Variants in RIT2 observed in about 807,000 individuals in gnomAD.
RIT2 encodes the protein GTP-binding protein Rit2.
A neutral mutation model predicts 23.7 loss-of-function variants in RIT2; 24 were observed. That is an observed-to-expected ratio of 1.01 (90% CI 0.73 to 1.43). The LOEUF is 1.43. RIT2 is among the 40% of genes most tolerant of loss of function. RIT2 has a pLI of 0.00. For missense variants in RIT2, 236 were observed against 266.9 expected, an observed-to-expected ratio of 0.88 and a Z score of 0.81; for synonymous variants, 107 against 91.1, an observed-to-expected ratio of 1.17 and a Z score of -0.99.
At chr18:43,094,486 A>AT (rs1025488474) in intron 1 of RIT2, among the ~76,000 whole-genome samples, 62 of 152,124 alleles carry the variant, frequency 4.1e-4, no homozygotes, top group African/African-American at 1.4e-3. Context: ...GGGTTAAAAA[A>AT]GACTTTCAAG....
chr18:42,919,041 A>G (rs1908986642), intron 4 of RIT2, among the ~76,000 whole-genome samples: 2 of 152,122 alleles, frequency 1.3e-5, no homozygotes, highest in South Asian at 4.1e-4. Flanking sequence ...TCCCTACATC[A>G]TATGCACAGA....
At chr18:42,933,608 C>T (rs972694257) in intron 3 of RIT2, among the ~76,000 whole-genome samples, 1 of 152,120 alleles carries the variant, frequency 6.6e-6, no homozygotes, top group Non-Finnish European at 1.5e-5. Flanking sequence ...GGCTTTTGCC[C>T]TTTTTGCTCA....
chr18:42,799,580 A>C (rs1166833506), intron 4 of RIT2, among the ~76,000 whole-genome samples: 1 of 152,148 alleles, frequency 6.6e-6, no homozygotes, highest in East Asian at 1.9e-4. Flanking sequence ...AATCTCCTTA[A>C]AGAAACAAAC....
intron 4 of RIT2, among the ~76,000 whole-genome samples, chr18:42,923,170 C>T (rs1208274493): frequency 1.3e-5 from 2 of 151,860 alleles, no homozygotes; most frequent in Non-Finnish European, 2.9e-5. Context: ...CAGCTGTGAG[C>T]CTGAATCTCA....
intron 4 of RIT2, among the ~76,000 whole-genome samples, chr18:42,777,328 T>A (rs1913697199): frequency 6.7e-6 from 1 of 148,898 alleles, no homozygotes; most frequent in African/African-American, 2.5e-5. Flanking sequence ...ACTGGAGACA[T>A]AAATTTGGGA....
At chr18:43,059,863 C>A (rs908999645) in intron 1 of RIT2, among the ~76,000 whole-genome samples, 2 of 151,984 alleles carry the variant, frequency 1.3e-5, no homozygotes, top group African/African-American at 4.8e-5. Flanking sequence ...AATTAACTAG[C>A]AGGTTCTGGA....
At chr18:43,013,316 G>A (rs964472107) in intron 2 of RIT2, among the ~76,000 whole-genome samples, 4 of 151,746 alleles carry the variant, frequency 2.6e-5, no homozygotes, top group Non-Finnish European at 4.4e-5. Context: ...TAGCTTGATA[G>A]CTAATAGTTT....
intron 3 of RIT2, among the ~76,000 whole-genome samples, chr18:42,939,105 A>G (rs1909531911): frequency 1.3e-5 from 2 of 152,124 alleles, no homozygotes; most frequent in Admixed American, 1.3e-4. Flanking sequence ...ACTTAATAGA[A>G]TTTTTCAAAT....
intron 1 of RIT2, among the ~76,000 whole-genome samples, chr18:43,042,192 A>G (rs1041041004): frequency 2.2e-4 from 34 of 152,162 alleles, no homozygotes; most frequent in African/African-American, 6.5e-4. Flanking sequence ...TTTTGGGACC[A>G]TGAAAAAATT....
intron 4 of RIT2, among the ~76,000 whole-genome samples, chr18:42,794,441 G>A (rs1272711540): frequency 6.6e-6 from 1 of 152,180 alleles, no homozygotes; most frequent in African/African-American, 2.4e-5. Flanking sequence ...ATCTAGGTTT[G>A]ACTAATTAGT....
chr18:42,875,386 G>A (rs1054226481), intron 4 of RIT2, among the ~76,000 whole-genome samples: 5 of 150,108 alleles, frequency 3.3e-5, no homozygotes, highest in African/African-American at 7.4e-5. Context: ...TTTTTGTGAG[G>A]CTGGAATGAG....
intron 4 of RIT2, among the ~76,000 whole-genome samples, chr18:42,745,916 G>T (rs371171936): frequency 1.2e-4 from 18 of 152,014 alleles, no homozygotes; most frequent in Non-Finnish European, 2.4e-4. Flanking sequence ...GCTTTCATTA[G>T]GTTACACTTA....
chr18:42,819,985 A>G (rs575080690), intron 4 of RIT2, among the ~76,000 whole-genome samples: 39 of 152,268 alleles, frequency 2.6e-4, no homozygotes, highest in African/African-American at 8.9e-4. Flanking sequence ...TGCATACTTT[A>G]AGTAATCTCT....
At chr18:43,054,214 T>C (rs1053182579) in intron 1 of RIT2, among the ~76,000 whole-genome samples, 2 of 152,074 alleles carry the variant, frequency 1.3e-5, no homozygotes, top group African/African-American at 4.8e-5. Flanking sequence ...TCAGTATCAA[T>C]ATCCTTTCTG....
chr18:42,846,481 A>G (rs930359165), intron 4 of RIT2, among the ~76,000 whole-genome samples: 2 of 152,064 alleles, frequency 1.3e-5, no homozygotes, highest in African/African-American at 4.8e-5. Flanking sequence ...AAATTTAACA[A>G]GAGAGTTATC....
chr18:42,780,045 A>G (rs1286446845), intron 4 of RIT2, among the ~76,000 whole-genome samples: 109 of 50,644 alleles, frequency 2.2e-3, no homozygotes, highest in Non-Finnish European at 4.1e-3. Context: ...CTCAATTTAG[A>G]GGTTTTTTTT....
chr18:42,748,015 C>A (rs572812251), intron 4 of RIT2, among the ~76,000 whole-genome samples: 1 of 151,952 alleles, frequency 6.6e-6, no homozygotes, highest in Non-Finnish European at 1.5e-5. Flanking sequence ...AAAGCAAATG[C>A]AACAAAAACA....
chr18:42,842,336 G>A (rs1193504289), intron 4 of RIT2, among the ~76,000 whole-genome samples: 1 of 152,062 alleles, frequency 6.6e-6, no homozygotes, highest in African/African-American at 2.4e-5. Context: ...TCCAATGTCT[G>A]TCATTTTTTA....
At chr18:42,746,854 C>A (rs1030198906) in intron 4 of RIT2, among the ~76,000 whole-genome samples, 1 of 151,982 alleles carries the variant, frequency 6.6e-6, no homozygotes, top group Admixed American at 6.6e-5. Context: ...ATCCAGCATC[C>A]CTTTGTGATT....
Sources: gnomAD v4.1 joint callset for allele counts (sites outside exome capture counted in the v4.1 genomes callset) on GRCh38, gnomAD v4.1.1 for gene constraint, MANE v1.5 for transcripts, NCBI Gene and HGNC (gene_info 2026-07-23, HGNC 2026-07-21) for gene names.